Variants in MRPS28 observed in about 807,000 individuals in gnomAD.
MRPS28 encodes the protein mitochondrial ribosomal protein S28.
In MRPS28, 7 loss-of-function variants were observed where a neutral mutation model predicts 10.8. That is an observed-to-expected ratio of 0.65 (90% CI 0.37 to 1.22). The LOEUF is 1.22. MRPS28 is among the 50% of genes most tolerant of loss of function. MRPS28 has a pLI of 0.02. For missense variants in MRPS28, 265 were observed against 232.9 expected (o/e 1.14, Z -0.90); for synonymous variants, 121 against 93.3 (o/e 1.30, Z -1.71).
chr8:79,997,569 A>G (rs536266301), intron 2 of MRPS28, among the ~76,000 whole-genome samples: 2 of 152,260 alleles, frequency 1.3e-5, no homozygotes, highest in African/African-American at 2.4e-5. Context: ...AATTTCTTAA[A>G]AACAAAAAAC....
At chr8:79,933,497 A>G (rs1806522831) in intron 2 of MRPS28, among the ~76,000 whole-genome samples, 2 of 152,230 alleles carry the variant, frequency 1.3e-5, no homozygotes, top group African/African-American at 4.8e-5. Context: ...AACTCTGTAC[A>G]TAACAAGGTC....
intron 1 of MRPS28, among the ~76,000 whole-genome samples, chr8:80,004,713 A>G (rs1454472931): frequency 6.6e-6 from 1 of 152,210 alleles, no homozygotes; most frequent in Non-Finnish European, 1.5e-5. Context: ...GTCAGAACCC[A>G]TCGCAAAGAA....
chr8:79,997,388 A>C (rs1003165425), intron 2 of MRPS28, among the ~76,000 whole-genome samples: 1 of 152,190 alleles, frequency 6.6e-6, no homozygotes, highest in African/African-American at 2.4e-5. Context: ...CACTCACTGA[A>C]GCTCTGCTCT....
At chr8:79,985,465 CA>C (rs1808127138) in intron 2 of MRPS28, among the ~76,000 whole-genome samples, 3 of 152,024 alleles carry the variant, frequency 2.0e-5, no homozygotes, top group African/African-American at 7.2e-5. Flanking sequence ...AAAAACCCTT[CA>C]AAAAATTAAT....
intron 1 of MRPS28, 169 bp downstream of exon 1, chr8:80,029,867 C>T (rs1809603171): frequency 6.5e-7 from 1 of 1,535,696 alleles, no homozygotes; most frequent in African/African-American, 1.4e-5. Context: ...AAACACCAAG[C>T]ACAGATTCTA....
At chr8:79,925,730 G>A (rs1213101600) in intron 2 of MRPS28, among the ~76,000 whole-genome samples, 2 of 152,210 alleles carry the variant, frequency 1.3e-5, no homozygotes, top group Admixed American at 6.5e-5. Context: ...GCTCACGCCT[G>A]TAATCCCAGC....
rs1270706128 is a variant in MRPS28, at chr8:80,008,763, A to G, written c.214-5583T>C. Among the ~76,000 whole-genome samples, 4 of 152,268 alleles carry G rather than the reference A, an allele frequency of 2.6e-5. No individual in the cohort carries two copies. In the East Asian group the frequency reaches 7.7e-4, roughly 29 times the overall value. ...CCAGTTAGAATGGTGATCATTAAAA[A>G]GTCAGGAAACAACAGGTACTGGAGA... On this transcript the variant is annotated intron_variant, in intron 1 of 2. Transcript: ENST00000276585.
intron 1 of MRPS28, among the ~76,000 whole-genome samples, chr8:80,010,396 C>T (rs1809004791): frequency 1.3e-5 from 2 of 152,154 alleles, no homozygotes; most frequent in African/African-American, 4.8e-5. Flanking sequence ...TTTAAAGCTA[C>T]ACAACTATAT....
chr8:79,979,786 T>C (rs547482223), intron 2 of MRPS28, among the ~76,000 whole-genome samples: 285 of 152,054 alleles, frequency 1.9e-3, no homozygotes, highest in African/African-American at 6.7e-3. Flanking sequence ...ATGTGGTCTG[T>C]AGAATCAGCA....
intron 2 of MRPS28, among the ~76,000 whole-genome samples, chr8:79,931,342 A>C (rs1206569418): frequency 2.0e-5 from 3 of 152,322 alleles, no homozygotes; most frequent in Admixed American, 6.5e-5. Context: ...AAAATCTTGG[A>C]GCTTTCTAAC....
chr8:79,932,205 C>T (rs141328382), intron 2 of MRPS28, among the ~76,000 whole-genome samples: 1 of 152,240 alleles, frequency 6.6e-6, no homozygotes, highest in African/African-American at 2.4e-5. Context: ...TTACACTCTG[C>T]TAGGAAGAGA....
At chr8:79,923,601 A>G (rs1281208538) in intron 2 of MRPS28, among the ~76,000 whole-genome samples, 1 of 152,146 alleles carries the variant, frequency 6.6e-6, no homozygotes, top group African/African-American at 2.4e-5. Flanking sequence ...TGTATTTCCT[A>G]TTAAAACCAA....
intron 2 of MRPS28, among the ~76,000 whole-genome samples, chr8:79,986,559 T>C (rs1808185275): frequency 1.3e-5 from 2 of 152,204 alleles, no homozygotes; most frequent in South Asian, 4.1e-4. Context: ...CTTAAGCTGA[T>C]AAGAAACTTC....
Position 80,030,121 on chromosome 8 carries a change from T to C in MRPS28, c.128A>G (p.Lys43Arg). 1.2e-6 allele frequency: 2 copies of C among 1,613,804 alleles called. No individual in the cohort carries two copies. The highest frequency in any genetic ancestry group is 1.7e-6 in the Non-Finnish European group (2 of 1,180,008). Residue 43 changes from lysine (K) to arginine (R), a missense_variant, in exon 1 of 3, where the codon AAG (lysine) becomes AGG (arginine). Coordinates refer to ENST00000276585, the MANE Select transcript of MRPS28 (RefSeq NM_014018.3). ...SGSESGSSNA[K>R]EPKTRAGGFA... ...ACCGCCTGCGCGCGTCTTAGGCTCC[T>C]TGGCATTGGAACTACCACTTTCGGA...
chr8:80,010,613 G>A (rs554005301), intron 1 of MRPS28, among the ~76,000 whole-genome samples: 2 of 152,310 alleles, frequency 1.3e-5, no homozygotes, highest in South Asian at 2.1e-4. Flanking sequence ...ACATATTAAT[G>A]TAAATTTTCC....
At chr8:79,991,416 C>T (rs932164428) in intron 2 of MRPS28, among the ~76,000 whole-genome samples, 4 of 152,116 alleles carry the variant, frequency 2.6e-5, no homozygotes, top group African/African-American at 9.7e-5. Context: ...CAAAGAGCAG[C>T]CACTTGATAA....
At chr8:79,956,545 C>T (rs962458046) in intron 2 of MRPS28, 1 of 152,100 alleles carries the variant, frequency 6.6e-6, no homozygotes, top group Non-Finnish European at 1.5e-5. Context: ...AAACATATGT[C>T]ACCAAGGTTT....
At chr8:79,985,848 C>A (rs979879139) in intron 2 of MRPS28, among the ~76,000 whole-genome samples, 66 of 152,082 alleles carry the variant, frequency 4.3e-4, no homozygotes, top group South Asian at 3.9e-3. Flanking sequence ...ACCAGAGGTA[C>A]AAGGAGGAAC....
chr8:80,026,447 A>G (rs1014667307), intron 1 of MRPS28, among the ~76,000 whole-genome samples: 6 of 152,128 alleles, frequency 3.9e-5, no homozygotes, highest in African/African-American at 1.5e-4. Context: ...GTTTGTGGAC[A>G]GTGACACATA....
Sources: gnomAD v4.1 joint callset for allele counts (sites outside exome capture counted in the v4.1 genomes callset) on GRCh38, gnomAD v4.1.1 for gene constraint, MANE v1.5 for transcripts, NCBI Gene and HGNC (gene_info 2026-07-23, HGNC 2026-07-21) for gene names.